ESRRG: variants seen among roughly 807,000 people sequenced by gnomAD.
The protein encoded by ESRRG is estrogen related receptor gamma.
Under a neutral mutation model 44.0 loss-of-function variants are expected in ESRRG, and 13 were observed. The ratio of observed to expected loss-of-function variants is 0.30; its 90% confidence interval spans 0.19 to 0.47. The LOEUF (loss-of-function observed/expected upper bound fraction) is 0.47, where lower values mean the gene tolerates loss of function less well. Ranked by LOEUF, ESRRG falls within the 20% of genes least tolerant of loss-of-function variation. ESRRG has a pLI of 1.00. For synonymous variants in ESRRG, 215 were observed against 214.6 expected (o/e 1.00, Z -0.02); for missense variants, 395 against 580.6 (o/e 0.68, Z 3.29).
In ESRRG at chr1:216,842,148, A is replaced by G. The variant is rs572660995; in HGVS notation, c.-14+97434T>C. 3.9e-5 allele frequency among the ~76,000 whole-genome samples: 6 copies of G among 152,316 alleles called. No homozygotes were observed. In the South Asian group the frequency reaches 1.2e-3, roughly 32 times the overall value. ...ATCCAACAACCAAAGATCATTTTTG[A>G]TGCAGGACCATCTTACTCTTAGGAA... On this transcript the variant is annotated intron_variant, in intron 2 of 7. Coordinates refer to the ESRRG transcript ENST00000359162.
intron 5 of ESRRG, among the ~76,000 whole-genome samples, chr1:216,544,304 G>A (rs529399156): frequency 3.3e-5 from 5 of 152,084 alleles, no homozygotes; most frequent in Non-Finnish European, 7.4e-5. Context: ...AAAGATTTTA[G>A]TCACCCTGAT....
At chr1:217,007,090 G>T (rs2789571) in intron 1 of ESRRG, among the ~76,000 whole-genome samples, 77,975 of 151,918 alleles carry the variant, frequency 0.51, 21,536 homozygotes, top group East Asian at 0.74. Context: ...AGGACTGTAA[G>T]GAGTTCAGAG....
intron 4 of ESRRG, among the ~76,000 whole-genome samples, chr1:216,565,311 T>C (rs530177921): frequency 6.6e-6 from 1 of 152,200 alleles, no homozygotes. Flanking sequence ...AATTTCTATA[T>C]GTAGCTTAAG....
chr1:217,133,631 T>TTCTTTCTTTCTTTCTTTC (rs1491192210), intron 1 of ESRRG, among the ~76,000 whole-genome samples: 20 of 58,444 alleles, frequency 3.4e-4, no homozygotes, highest in Non-Finnish European at 3.9e-4. Flanking sequence ...CTTTCTTTCT[T>TTCTTTCTTTCTTTCTTTC]TCTCTCTCTC....
At chr1:216,945,735 G>A (rs1242054479) in intron 1 of ESRRG, among the ~76,000 whole-genome samples, 1 of 152,118 alleles carries the variant, frequency 6.6e-6, no homozygotes, top group Non-Finnish European at 1.5e-5. Context: ...TTTAAAAAAT[G>A]ACTTTAGACT....
At chr1:216,643,984 G>A (rs2066981513) in intron 3 of ESRRG, among the ~76,000 whole-genome samples, 2 of 152,082 alleles carry the variant, frequency 1.3e-5, no homozygotes, top group Admixed American at 1.3e-4. Flanking sequence ...TTTGGCCAAG[G>A]CTGCCACACA....
At chr1:216,847,976 C>T (rs1192312193) in intron 2 of ESRRG, among the ~76,000 whole-genome samples, 1 of 152,088 alleles carries the variant, frequency 6.6e-6, no homozygotes, top group African/African-American at 2.4e-5. Context: ...CAGCGTTTCT[C>T]GACCTCAGGA....
At chr1:216,650,923 C>T (rs986820036) in intron 3 of ESRRG, 50 bp downstream of exon 3, 1 of 1,204,120 alleles carries the variant, frequency 8.3e-7, no homozygotes. Flanking sequence ...TTTTGCCTCC[C>T]ATCCCCACAG....
chr1:216,577,280 T>C (rs184526600), intron 3 of ESRRG, among the ~76,000 whole-genome samples: 1 of 152,182 alleles, frequency 6.6e-6, no homozygotes, highest in African/African-American at 2.4e-5. Flanking sequence ...TCTTTTTGCC[T>C]GCTAAAAATT....
intron 3 of ESRRG, among the ~76,000 whole-genome samples, chr1:216,596,327 T>C (rs886922162): frequency 6.6e-6 from 1 of 152,160 alleles, no homozygotes; most frequent in Non-Finnish European, 1.5e-5. Flanking sequence ...CACTTCATTT[T>C]CAGTGCGTGA....
At chr1:216,758,973 G>A (rs1216103315) in intron 2 of ESRRG, among the ~76,000 whole-genome samples, 2 of 151,872 alleles carry the variant, frequency 1.3e-5, no homozygotes, top group Non-Finnish European at 2.9e-5. Context: ...AGTAGCTAAG[G>A]CTGAGAGAAG....
intron 2 of ESRRG, among the ~76,000 whole-genome samples, chr1:216,893,652 T>G (rs1361922401): frequency 6.6e-6 from 1 of 151,606 alleles, no homozygotes; most frequent in Non-Finnish European, 1.5e-5. Context: ...CTTATAGAAA[T>G]GTATAAGATG....
At chr1:216,617,880 C>T (rs1345109202) in intron 3 of ESRRG, among the ~76,000 whole-genome samples, 2 of 152,078 alleles carry the variant, frequency 1.3e-5, no homozygotes, top group African/African-American at 4.8e-5. Context: ...TTTGTGATAC[C>T]CAAACCATTG....
chr1:216,509,159 A>G (rs1217030449), intron 6 of ESRRG, among the ~76,000 whole-genome samples: 2 of 152,220 alleles, frequency 1.3e-5, no homozygotes, highest in Admixed American at 1.3e-4. Context: ...GTTTAAATTC[A>G]GGATTCTTCA....
chr1:216,713,379 A>G (rs558063222), intron 1 of ESRRG, among the ~76,000 whole-genome samples: 1 of 146,978 alleles, frequency 6.8e-6, no homozygotes, highest in South Asian at 2.1e-4. Context: ...AAAAAAAAAA[A>G]GATTTCTCCT....
chr1:217,018,063 T>C (rs1218168553), intron 1 of ESRRG, among the ~76,000 whole-genome samples: 1 of 152,224 alleles, frequency 6.6e-6, no homozygotes, highest in African/African-American at 2.4e-5. Context: ...GATTTCCGAA[T>C]TATGGATAAA....
chr1:217,136,800 T>C (rs1005790183), intron 1 of ESRRG, among the ~76,000 whole-genome samples: 2 of 152,188 alleles, frequency 1.3e-5, no homozygotes, highest in South Asian at 4.1e-4. Context: ...ACTCGCTCCA[T>C]ACACCAAACT....
intron 2 of ESRRG, among the ~76,000 whole-genome samples, chr1:216,734,538 T>C (rs2089499180): frequency 6.6e-6 from 1 of 152,156 alleles, no homozygotes; most frequent in East Asian, 1.9e-4. Flanking sequence ...GATATGCCTC[T>C]GCCCCTTCAC....
chr1:216,545,280 C>G (rs1338613263), intron 5 of ESRRG, among the ~76,000 whole-genome samples: 7 of 148,710 alleles, frequency 4.7e-5, no homozygotes, highest in Admixed American at 1.3e-4. Flanking sequence ...CCAGGCTGGT[C>G]TTAAACTCCT....
Sources: allele counts gnomAD v4.1 joint callset (sites outside exome capture counted in the v4.1 genomes callset), GRCh38; gene constraint gnomAD v4.1.1; transcripts MANE v1.5; gene names NCBI Gene and HGNC (gene_info 2026-07-23, HGNC 2026-07-21).